Variants in MAML3 observed in about 807,000 individuals in gnomAD.
The protein encoded by MAML3 is mastermind-like protein 3.
MAML3 carries 27 observed loss-of-function variants against 101.9 expected under a neutral mutation model. The ratio of observed to expected loss-of-function variants is 0.27; its 90% CI spans 0.20 to 0.37. The LOEUF (loss-of-function observed/expected upper bound fraction) is 0.37, where lower values mean the gene tolerates loss of function less well. MAML3 is among the 10% of genes least tolerant of loss of function. The probability of loss-of-function intolerance (pLI) is 1.00; values close to 1 mark genes in which losing one functional copy is unlikely to be tolerated. For missense variants in MAML3, 1,316 were observed against 1,444.9 expected (o/e 0.91, Z 1.45); for synonymous variants, 501 against 555.9 (o/e 0.90, Z 1.39).
chr4:140,058,624 C>T (rs895902345), intron 1 of MAML3, among the ~76,000 whole-genome samples: 31 of 151,032 alleles, frequency 2.1e-4, no homozygotes, highest in African/African-American at 3.2e-4. Context: ...TTGTATCTTG[C>T]CTGTCTCAGT....
intron 1 of MAML3, among the ~76,000 whole-genome samples, chr4:140,151,956 A>T (rs1450787263): frequency 1.3e-5 from 2 of 152,160 alleles, no homozygotes; most frequent in African/African-American, 2.4e-5. Context: ...GTTGGCGGGC[A>T]GCGGGGCAGG....
chr4:139,802,685 TGA>T (rs1306903415), intron 2 of MAML3, among the ~76,000 whole-genome samples: 1 of 152,164 alleles, frequency 6.6e-6, no homozygotes, highest in Non-Finnish European at 1.5e-5. Context: ...TTGCAGCCTG[TGA>T]GAGATGGATG....
chr4:140,025,232 G>C (rs1339351611), intron 1 of MAML3, among the ~76,000 whole-genome samples: 1 of 152,128 alleles, frequency 6.6e-6, no homozygotes, highest in African/African-American at 2.4e-5. Context: ...TGTTAGGCTT[G>C]ATAATAGCAT....
rs376711079 is a variant in MAML3, at chr4:139,890,360, C to T, written c.1076G>A (p.Ser359Asn). The T allele has an allele frequency of 5.6e-6, 9 of 1,602,442 alleles. No individual in the cohort carries two copies. Among genetic ancestry groups the T allele is most frequent in the Non-Finnish European group, 7.7e-6 (9 of 1,172,902 alleles). The part of the protein sequence containing the change: ...PLSQESASVK[S>N]DPSHSPFAHV... ...TGCGAAGGGAGAGTGAGAGGGGTCG[C>T]TCTTCACGCTCGCACTCTCCTGGGA... Residue 359 changes from serine to asparagine, a missense_variant, in exon 2 of 5, where the codon AGC becomes AAC. Ser to Asn is a conservative substitution (Grantham distance 46, BLOSUM62 1). Transcript: ENST00000509479. The surrounding 1 kb of genome is among the most constrained non-coding windows in gnomAD (Gnocchi z 4.1).
At chr4:139,844,094 G>A (rs538362770) in intron 2 of MAML3, among the ~76,000 whole-genome samples, 3 of 152,292 alleles carry the variant, frequency 2.0e-5, no homozygotes, top group East Asian at 3.9e-4. Context: ...TGTGAGGTGC[G>A]GGTAGAGTGG....
At chr4:139,854,070 G>A (rs1248036355) in intron 2 of MAML3, among the ~76,000 whole-genome samples, 1 of 151,920 alleles carries the variant, frequency 6.6e-6, no homozygotes, top group Non-Finnish European at 1.5e-5. Flanking sequence ...TGATCCGCCC[G>A]CCTCGTCCTC....
chr4:139,820,326 AAAAT>A (rs1013448485), intron 2 of MAML3, among the ~76,000 whole-genome samples: 1 of 152,214 alleles, frequency 6.6e-6, no homozygotes, highest in African/African-American at 2.4e-5. Flanking sequence ...GTCAAGAAGA[AAAAT>A]AAAGAGAAAC....
intron 1 of MAML3, among the ~76,000 whole-genome samples, chr4:140,138,370 A>G (rs758598392): frequency 7.2e-5 from 11 of 152,230 alleles, no homozygotes; most frequent in Non-Finnish European, 1.6e-4. Flanking sequence ...ATCCAATAGC[A>G]GCTGCAAACC....
At chr4:140,011,233 C>T (rs376296734) in intron 1 of MAML3, among the ~76,000 whole-genome samples, 35 of 119,898 alleles carry the variant, frequency 2.9e-4, no homozygotes, top group Non-Finnish European at 5.0e-4. Context: ...ATAAAGTGTG[C>T]ATATATATAT....
At position 139,877,342 on chromosome 4, in the gene MAML3, CA is replaced by C. The variant is rs564800650; in HGVS notation, c.2079+12014del. On this transcript the variant is annotated intron_variant, in intron 2 of 4. Transcript: ENST00000509479. Reference sequence around the variant, plus strand: ...TGTATAGGAAAGCAGCATTTCCCCCCACCCCCCGAAGAGTATTATAACCTCT... The same window carrying C: ...TGTATAGGAAAGCAGCATTTCCCCCCCCCCCCGAAGAGTATTATAACCTCT... 3.5e-3 allele frequency among the ~76,000 whole-genome samples: 536 copies of C among 151,928 alleles called. 4 individuals are homozygous for C. Among genetic ancestry groups the C allele is most frequent in the African/African-American group, 0.012 (504 of 41,420 alleles).
chr4:139,962,773 A>G (rs1349495486), intron 1 of MAML3, among the ~76,000 whole-genome samples: 1 of 152,218 alleles, frequency 6.6e-6, no homozygotes, highest in African/African-American at 2.4e-5. Flanking sequence ...TGAGGCTTCA[A>G]CTGTAGCAGC....
At chr4:139,875,052 C>A (rs1015036383) in intron 2 of MAML3, among the ~76,000 whole-genome samples, 5 of 152,130 alleles carry the variant, frequency 3.3e-5, no homozygotes, top group Non-Finnish European at 7.4e-5. Context: ...ATCTGCCCAC[C>A]TCGGCCTCCC....
At chr4:139,848,397 G>A (rs529642417) in intron 2 of MAML3, among the ~76,000 whole-genome samples, 3 of 152,282 alleles carry the variant, frequency 2.0e-5, no homozygotes, top group Admixed American at 6.5e-5. Context: ...GCATTAATGC[G>A]TGAGATATAT....
At chr4:139,848,752 T>A (rs1190208834) in intron 2 of MAML3, among the ~76,000 whole-genome samples, 3 of 152,170 alleles carry the variant, frequency 2.0e-5, no homozygotes, top group Non-Finnish European at 4.4e-5. Context: ...AGCTATGAAA[T>A]AGGTGGGAAG....
intron 1 of MAML3, among the ~76,000 whole-genome samples, chr4:140,042,625 T>C (rs1305592474): frequency 1.7e-5 from 2 of 116,982 alleles, no homozygotes; most frequent in African/African-American, 5.7e-5. Context: ...GAGAGAGAGA[T>C]TCCATCTCAA....
intron 2 of MAML3, among the ~76,000 whole-genome samples, chr4:139,775,740 T>C (rs1730083226): frequency 6.6e-6 from 1 of 152,318 alleles, no homozygotes; most frequent in African/African-American, 2.4e-5. Context: ...GTATATCACG[T>C]CAAACTGTTG....
intron 1 of MAML3, among the ~76,000 whole-genome samples, chr4:139,984,570 T>C (rs1407139872): frequency 6.6e-6 from 1 of 152,196 alleles, no homozygotes; most frequent in Non-Finnish European, 1.5e-5. Context: ...CTCTTTCAAA[T>C]ATACTATTTA....
At chr4:140,098,711 G>GTACA (rs1381329738) in intron 1 of MAML3, among the ~76,000 whole-genome samples, 1 of 152,256 alleles carries the variant, frequency 6.6e-6, no homozygotes, top group South Asian at 2.1e-4. Context: ...CAAAGGCCAT[G>GTACA]TGGCTACTGG....
chr4:140,094,171 G>A (rs572704189), intron 1 of MAML3, among the ~76,000 whole-genome samples: 1 of 152,346 alleles, frequency 6.6e-6, no homozygotes, highest in East Asian at 1.9e-4. Flanking sequence ...CCAGGTAAGG[G>A]GGAATTTGGG....
Sources: gnomAD v4.1 joint callset for allele counts (sites outside exome capture counted in the v4.1 genomes callset) on GRCh38, gnomAD v4.1.1 for gene constraint, Gnocchi (gnomAD v3.1) non-coding constraint, MANE v1.5 for transcripts, NCBI Gene and HGNC (gene_info 2026-07-23, HGNC 2026-07-21) for gene names.